Variants in OSBPL10 observed in about 807,000 individuals in gnomAD.
OSBPL10 encodes the protein oxysterol-binding protein-related protein 10.
OSBPL10 carries 49 observed loss-of-function variants against 81.7 expected under a neutral mutation model. The ratio of observed to expected loss-of-function variants is 0.60; its 90% CI spans 0.48 to 0.76. OSBPL10 has a LOEUF of 0.76. Among genes scored for constraint, OSBPL10 ranks in the 30% least tolerant of loss-of-function variants. The probability of loss-of-function intolerance (pLI) is 0.00; values close to 1 mark genes in which losing one functional copy is unlikely to be tolerated. For missense variants in OSBPL10, 923 were observed against 987.8 expected (o/e 0.93, Z 0.88); for synonymous variants, 419 against 383.6 (o/e 1.09, Z -1.08).
intron 1 of OSBPL10, among the ~76,000 whole-genome samples, chr3:31,900,289 C>T (rs766073569): frequency 3.3e-5 from 5 of 152,138 alleles, no homozygotes; most frequent in Admixed American, 2.0e-4. Context: ...GAGATCCACT[C>T]ACCTTGGCCT....
intron 2 of OSBPL10, among the ~76,000 whole-genome samples, chr3:32,033,722 C>T (rs1354101055): frequency 1.3e-5 from 2 of 152,116 alleles, no homozygotes; most frequent in Non-Finnish European, 2.9e-5. Context: ...TTGTTATTGG[C>T]TTTTCTTATT....
intron 6 of OSBPL10, chr3:31,711,027 G>C (rs1696235582): frequency 6.6e-6 from 1 of 152,198 alleles, no homozygotes; most frequent in South Asian, 2.1e-4. Flanking sequence ...GGTTGAGAAG[G>C]AGTACATGGA....
chr3:31,817,541 G>GGCGGCTGCGGCT (rs1553629588), intron 4 of OSBPL10, among the ~76,000 whole-genome samples: 2 of 106,660 alleles, frequency 1.9e-5, no homozygotes, highest in African/African-American at 6.2e-5. Flanking sequence ...CTGTGGGTCA[G>GGCGGCTGCGGCT]GCGGCTGCAG....
At chr3:31,813,528 T>C (rs1440230974) in intron 4 of OSBPL10, among the ~76,000 whole-genome samples, 1 of 152,266 alleles carries the variant, frequency 6.6e-6, no homozygotes, top group Non-Finnish European at 1.5e-5. Flanking sequence ...AAACTTCCTA[T>C]TGTTGCCTTT....
chr3:31,945,700 G>C (rs752159542), intron 1 of OSBPL10, among the ~76,000 whole-genome samples: 1 of 152,150 alleles, frequency 6.6e-6, no homozygotes, highest in Non-Finnish European at 1.5e-5. Context: ...AGACGCTCAG[G>C]ATGCCAAAGC....
chr3:31,823,388 A>T (rs1700026261), intron 4 of OSBPL10, among the ~76,000 whole-genome samples: 1 of 152,232 alleles, frequency 6.6e-6, no homozygotes, highest in Admixed American at 6.5e-5. Flanking sequence ...GTGGTCTGGC[A>T]CATAGAAGGT....
intron 2 of OSBPL10, among the ~76,000 whole-genome samples, chr3:31,993,324 C>T (rs980474799): frequency 3.9e-5 from 6 of 152,012 alleles, no homozygotes; most frequent in Non-Finnish European, 7.4e-5. Context: ...CTTCTCCTGC[C>T]TCAGCCTCCC....
chr3:32,000,919 C>CTTTGT (rs1699138649), intron 2 of OSBPL10, among the ~76,000 whole-genome samples: 1 of 152,184 alleles, frequency 6.6e-6, no homozygotes, highest in South Asian at 2.1e-4. Context: ...TCCTGGAAAT[C>CTTTGT]TTTGGAACTG....
At chr3:31,731,341 T>G (rs1240201704) in intron 6 of OSBPL10, among the ~76,000 whole-genome samples, 1 of 152,170 alleles carries the variant, frequency 6.6e-6, no homozygotes, top group East Asian at 1.9e-4. Context: ...AAACAAAATC[T>G]TAACTTGCTC....
chr3:31,664,296 C>A, intron 10 of OSBPL10, 64 bp from the exon 11 acceptor site: 1 of 1,565,222 alleles, frequency 6.4e-7, no homozygotes, highest in Non-Finnish European at 8.7e-7. Flanking sequence ...TAACGGAACT[C>A]TGCCAGGAGC....
intron 4 of OSBPL10, among the ~76,000 whole-genome samples, chr3:31,811,395 GC>G (rs1416529382): frequency 1.3e-5 from 2 of 152,216 alleles, no homozygotes; most frequent in Admixed American, 6.5e-5. Context: ...TGCCCCATGT[GC>G]GGCGCAGGGA....
chr3:31,847,213 A>T (rs1392788905), intron 3 of OSBPL10, among the ~76,000 whole-genome samples: 3 of 150,756 alleles, frequency 2.0e-5, no homozygotes, highest in Non-Finnish European at 4.4e-5. Context: ...TTTTTTTTTA[A>T]AAAGACAGAA....
intron 2 of OSBPL10, among the ~76,000 whole-genome samples, chr3:32,027,441 G>C (rs984272443): frequency 1.3e-5 from 2 of 152,158 alleles, no homozygotes; most frequent in Non-Finnish European, 2.9e-5. Context: ...GATGATTCAA[G>C]GGGACATTAG....
intron 4 of OSBPL10, 134 bp downstream of exon 4, chr3:31,829,906 G>T: frequency 1.2e-6 from 1 of 843,340 alleles, no homozygotes; most frequent in Non-Finnish European, 1.7e-6. Flanking sequence ...CGTCACAGCC[G>T]TGTGGCTGGG....
intron 1 of OSBPL10, among the ~76,000 whole-genome samples, chr3:31,885,995 CAAAAAAAAAAA>C (rs397957994): frequency 1.6e-5 from 1 of 62,538 alleles, no homozygotes; most frequent in African/African-American, 6.3e-5. Context: ...AACTCCATCT[CAAAAAAAAAAA>C]AAAAAAAAGA....
chr3:31,924,096 G>A (rs919528761), intron 1 of OSBPL10, among the ~76,000 whole-genome samples: 1 of 151,492 alleles, frequency 6.6e-6, no homozygotes, highest in Non-Finnish European at 1.5e-5. Context: ...CAGGCGCCTG[G>A]AATCCCAGCT....
chr3:31,804,114 A>G (rs548201810), intron 4 of OSBPL10, among the ~76,000 whole-genome samples: 10 of 152,292 alleles, frequency 6.6e-5, no homozygotes, highest in African/African-American at 2.4e-4. Context: ...TGTTTGCTCA[A>G]TGGTGATCTT....
chr3:31,785,645 T>C (rs1250437349), intron 4 of OSBPL10, among the ~76,000 whole-genome samples: 1 of 152,140 alleles, frequency 6.6e-6, no homozygotes, highest in African/African-American at 2.4e-5. Flanking sequence ...CGTTTTTTTT[T>C]CTTTTCATTC....
At chr3:31,992,444 C>T (rs1036589887) in intron 2 of OSBPL10, among the ~76,000 whole-genome samples, 2 of 152,116 alleles carry the variant, frequency 1.3e-5, no homozygotes, top group Admixed American at 1.3e-4. Context: ...TCAGTAGAGC[C>T]ATGTTGATTC....
Sources: gnomAD v4.1 joint callset for allele counts (sites outside exome capture counted in the v4.1 genomes callset) on GRCh38, gnomAD v4.1.1 for gene constraint, MANE v1.5 for transcripts, NCBI Gene and HGNC (gene_info 2026-07-23, HGNC 2026-07-21) for gene names.